The following RGL1 variants were observed in gnomAD, a reference collection of about 807,000 sequenced individuals.
The protein encoded by RGL1 is ral guanine nucleotide dissociation stimulator like 1, also known as ral guanine nucleotide dissociation stimulator-like 1.
Under a neutral mutation model 95.2 loss-of-function variants are expected in RGL1, and 24 were observed. The ratio of observed to expected loss-of-function variants is 0.25; its 90% confidence interval spans 0.18 to 0.35. The LOEUF (loss-of-function observed/expected upper bound fraction) is 0.35. Among genes scored for constraint, RGL1 ranks in the 10% least tolerant of loss-of-function variants. The pLI is 1.00. For synonymous variants in RGL1, 329 were observed against 344.9 expected, an observed-to-expected ratio of 0.95 and a Z score of 0.51; for missense variants, 715 against 936.3, an observed-to-expected ratio of 0.76 and a Z score of 3.08.
At chr1:183,796,146 G>A (rs1377905503) in intron 2 of RGL1, among the ~76,000 whole-genome samples, 5 of 151,670 alleles carry the variant, frequency 3.3e-5, no homozygotes, top group Admixed American at 3.3e-4. Flanking sequence ...AGCCAATGAG[G>A]AAGGTGTTTG....
At chr1:183,666,863 T>G (rs184711527) in intron 1 of RGL1, among the ~76,000 whole-genome samples, 5 of 152,346 alleles carry the variant, frequency 3.3e-5, no homozygotes, top group African/African-American at 1.2e-4. Flanking sequence ...TTATATCCAG[T>G]TGATTGATGG....
intron 1 of RGL1, chr1:183,653,232 GTT>G (rs2102004575): frequency 6.6e-6 from 1 of 152,290 alleles, no homozygotes; most frequent in East Asian, 1.9e-4. Flanking sequence ...CTCTTTCACA[GTT>G]TGTGTCTATT....
chr1:183,806,787 G>T (rs190482264), intron 2 of RGL1, among the ~76,000 whole-genome samples: 103 of 152,152 alleles, frequency 6.8e-4, no homozygotes, highest in Non-Finnish European at 7.4e-5. Context: ...GGCCCAGAGA[G>T]CAGCACTCTC....
intron 2 of RGL1, among the ~76,000 whole-genome samples, chr1:183,773,461 G>A (rs1286249483): frequency 6.6e-6 from 1 of 152,166 alleles, no homozygotes; most frequent in Non-Finnish European, 1.5e-5. Flanking sequence ...GTTTCGCCCT[G>A]AGATGAGCAT....
chr1:183,914,456 C>T (rs1438511250), intron 15 of RGL1, among the ~76,000 whole-genome samples: 2 of 152,118 alleles, frequency 1.3e-5, no homozygotes, highest in Admixed American at 1.3e-4. Context: ...TGCATATTAG[C>T]TAGAAAGGCT....
chr1:183,715,577 T>C (rs1655569003), intron 1 of RGL1, among the ~76,000 whole-genome samples: 1 of 152,170 alleles, frequency 6.6e-6, no homozygotes, highest in Non-Finnish European at 1.5e-5. Flanking sequence ...TAACACTTTA[T>C]TTTCACATAA....
chr1:183,890,563 T>G (rs1448661237), intron 8 of RGL1, among the ~76,000 whole-genome samples: 1 of 152,198 alleles, frequency 6.6e-6, no homozygotes, highest in African/African-American at 2.4e-5. Flanking sequence ...ATTGCTAAAT[T>G]CAAGGAACAG....
rs1317857682 is a variant in RGL1 at position 183,724,453 on chromosome 1, C to T, written c.-32-17673C>T. Among the ~76,000 whole-genome samples, 1 of 152,108 alleles carries T rather than the reference C, an allele frequency of 6.6e-6. No homozygotes were observed. The highest frequency in any genetic ancestry group is 1.5e-5 in the Non-Finnish European group (1 of 68,012). On this transcript the variant is annotated intron_variant, in intron 1 of 18. Coordinates refer to the RGL1 transcript ENST00000304685. This position sits in a 1 kb window ranked among gnomAD's most constrained non-coding sequence, Gnocchi z 4.1. Reference sequence around the variant, plus strand: ...AGCCCACTTCCCTGACATATGAGTCCTAAGCCTGGCAACATTCACCACAAG... The same window carrying T: ...AGCCCACTTCCCTGACATATGAGTCTTAAGCCTGGCAACATTCACCACAAG...
At chr1:183,757,633 C>A (rs573260897) in intron 2 of RGL1, among the ~76,000 whole-genome samples, 33 of 152,238 alleles carry the variant, frequency 2.2e-4, no homozygotes, top group African/African-American at 7.5e-4. Context: ...GAATAATATT[C>A]TGTTGGGTTT....
intron 1 of RGL1, among the ~76,000 whole-genome samples, chr1:183,740,922 G>C (rs1657258116): frequency 6.6e-6 from 1 of 152,156 alleles, no homozygotes; most frequent in Non-Finnish European, 1.5e-5. Context: ...GGCGAAAATA[G>C]AATTGAAAGC....
intron 2 of RGL1, among the ~76,000 whole-genome samples, chr1:183,788,549 A>G (rs1660290239): frequency 6.6e-6 from 1 of 152,222 alleles, no homozygotes; most frequent in Admixed American, 6.5e-5. Context: ...AAAATTAACC[A>G]TCACACCTCC....
intron 2 of RGL1, among the ~76,000 whole-genome samples, chr1:183,771,628 C>T (rs1659277082): frequency 6.6e-6 from 1 of 152,154 alleles, no homozygotes; most frequent in Admixed American, 6.5e-5. Flanking sequence ...CCTTTTGATA[C>T]GTGAGTGCTG....
chr1:183,763,404 G>A (rs1176902152), intron 2 of RGL1, among the ~76,000 whole-genome samples: 3 of 152,028 alleles, frequency 2.0e-5, no homozygotes, highest in African/African-American at 7.2e-5. Flanking sequence ...AAAAAACACA[G>A]TATCTACTAA....
At chr1:183,667,788 C>G (rs1346357807) in intron 1 of RGL1, among the ~76,000 whole-genome samples, 1 of 151,980 alleles carries the variant, frequency 6.6e-6, no homozygotes, top group Non-Finnish European at 1.5e-5. Context: ...TTGTATTTTT[C>G]TGTCCTTTCT....
At chr1:183,831,913 G>A (rs1663285072) in intron 2 of RGL1, among the ~76,000 whole-genome samples, 1 of 152,144 alleles carries the variant, frequency 6.6e-6, no homozygotes, top group Admixed American at 6.5e-5. Flanking sequence ...TGTAATAAAT[G>A]TTTCTGGCCA....
At chr1:183,680,800 C>T (rs1653160663) in intron 1 of RGL1, among the ~76,000 whole-genome samples, 3 of 152,050 alleles carry the variant, frequency 2.0e-5, no homozygotes, top group South Asian at 4.1e-4. Flanking sequence ...TTGATTCTTC[C>T]TATCCCTAAG....
chr1:183,699,651 G>A (rs1240436515), intron 1 of RGL1, among the ~76,000 whole-genome samples: 1 of 151,874 alleles, frequency 6.6e-6, no homozygotes, highest in African/African-American at 2.4e-5. Flanking sequence ...TGTGCAGGCT[G>A]CCTCTGATTT....
chr1:183,741,347 A>AG (rs1657291168), intron 1 of RGL1, among the ~76,000 whole-genome samples: 1 of 152,212 alleles, frequency 6.6e-6, no homozygotes, highest in African/African-American at 2.4e-5. Context: ...GGGCTGAGCC[A>AG]GGCAAGATAT....
At chr1:183,756,869 A>G (rs1395257762) in intron 2 of RGL1, among the ~76,000 whole-genome samples, 1 of 152,136 alleles carries the variant, frequency 6.6e-6, no homozygotes, top group African/African-American at 2.4e-5. Context: ...TGAAATAAAT[A>G]TTTGATGATT....
Sources: allele counts gnomAD v4.1 joint callset (sites outside exome capture counted in the v4.1 genomes callset), GRCh38; gene constraint gnomAD v4.1.1; non-coding constraint Gnocchi (gnomAD v3.1); transcripts MANE v1.5; gene names NCBI Gene and HGNC (gene_info 2026-07-23, HGNC 2026-07-21).